MAGI3: variants seen among roughly 807,000 people sequenced by gnomAD.
The protein encoded by MAGI3 is membrane-associated guanylate kinase, WW and PDZ domain-containing protein 3.
In MAGI3, 43 loss-of-function variants were observed where a neutral mutation model predicts 121.8. That is an observed-to-expected ratio of 0.35 (90% CI 0.28 to 0.46). MAGI3 has a LOEUF of 0.46. Ranked by LOEUF, MAGI3 falls within the 20% of genes least tolerant of loss-of-function variation. The probability of loss-of-function intolerance (pLI) is 1.00; values close to 1 mark genes in which losing one functional copy is unlikely to be tolerated. For missense variants in MAGI3, 1,547 were observed against 1,797.3 expected (o/e 0.86, Z 2.52); for synonymous variants, 553 against 639.3 (o/e 0.86, Z 2.04).
intron 6 of MAGI3, among the ~76,000 whole-genome samples, chr1:113,609,953 TTTTTG>T (rs1375013258): frequency 7.2e-5 from 11 of 152,136 alleles, no homozygotes; most frequent in Non-Finnish European, 1.5e-4. Context: ...CACAAGCAAA[TTTTTG>T]TTTTAAGTCA....
At chr1:113,448,112 A>C (rs1654277308) in intron 1 of MAGI3, among the ~76,000 whole-genome samples, 1 of 152,196 alleles carries the variant, frequency 6.6e-6, no homozygotes, top group Non-Finnish European at 1.5e-5. Flanking sequence ...TCTTAGAGCC[A>C]AGAAGCTTCT....
At chr1:113,604,387 T>C (rs546372056) in intron 6 of MAGI3, among the ~76,000 whole-genome samples, 264 of 151,606 alleles carry the variant, frequency 1.7e-3, no homozygotes, top group Non-Finnish European at 3.2e-3. Flanking sequence ...GCCAATATGG[T>C]GAAACCCCAT....
intron 1 of MAGI3, among the ~76,000 whole-genome samples, chr1:113,440,689 A>G (rs1570679620): frequency 6.6e-6 from 1 of 152,190 alleles, no homozygotes; most frequent in African/African-American, 2.4e-5. Context: ...GCTCCCTCAT[A>G]TAAAGTTACA....
chr1:113,542,751 G>A (rs943271704), intron 1 of MAGI3, among the ~76,000 whole-genome samples: 2 of 152,102 alleles, frequency 1.3e-5, no homozygotes, highest in Non-Finnish European at 2.9e-5. Context: ...ACACACACAG[G>A]TACATACGCG....
intron 9 of MAGI3, among the ~76,000 whole-genome samples, chr1:113,636,097 A>T (rs1407500951): frequency 2.0e-5 from 3 of 151,736 alleles, no homozygotes; most frequent in Non-Finnish European, 4.4e-5. Flanking sequence ...TTTTTATTGC[A>T]TCTATTTGAT....
intron 7 of MAGI3, among the ~76,000 whole-genome samples, chr1:113,614,891 A>C (rs997060794): frequency 3.3e-5 from 5 of 152,130 alleles, no homozygotes; most frequent in Non-Finnish European, 5.9e-5. Flanking sequence ...CTAGACAATT[A>C]ATAGCTAGAG....
chr1:113,586,871 ATC>A (rs1354868522), intron 4 of MAGI3, among the ~76,000 whole-genome samples: 1 of 152,152 alleles, frequency 6.6e-6, no homozygotes, highest in Non-Finnish European at 1.5e-5. Context: ...CTTGTTTGTA[ATC>A]TCTATAGTTG....
At chr1:113,644,512 A>T (rs1652726818) in intron 11 of MAGI3, among the ~76,000 whole-genome samples, 2 of 151,958 alleles carry the variant, frequency 1.3e-5, no homozygotes, top group Non-Finnish European at 2.9e-5. Context: ...CAATCTCTTG[A>T]CCTCATGATC....
intron 1 of MAGI3, among the ~76,000 whole-genome samples, chr1:113,515,403 GT>G (rs1453821324): frequency 2.0e-5 from 3 of 152,054 alleles, no homozygotes; most frequent in Non-Finnish European, 4.4e-5. Flanking sequence ...TCAAATGTTT[GT>G]CTAAAATTAG....
chr1:113,639,471 G>A (rs549999613), intron 9 of MAGI3, among the ~76,000 whole-genome samples: 26 of 152,276 alleles, frequency 1.7e-4, no homozygotes, highest in African/African-American at 5.8e-4. Flanking sequence ...GCAGAATCTC[G>A]GCTCATTGCA....
chr1:113,617,699 C>G (rs1325089424), intron 7 of MAGI3, among the ~76,000 whole-genome samples: 2 of 152,136 alleles, frequency 1.3e-5, no homozygotes, highest in Non-Finnish European at 2.9e-5. Context: ...GAAAGTGAGC[C>G]AAGGTTCTTT....
chr1:113,558,730 C>T (rs1307137574), intron 2 of MAGI3, among the ~76,000 whole-genome samples: 1 of 152,058 alleles, frequency 6.6e-6, no homozygotes, highest in Non-Finnish European at 1.5e-5. Flanking sequence ...GTAAGATACT[C>T]CATGAGAAAA....
chr1:113,588,943 A>T (rs895760052), intron 4 of MAGI3, among the ~76,000 whole-genome samples: 8 of 152,154 alleles, frequency 5.3e-5, no homozygotes, highest in African/African-American at 1.9e-4. Flanking sequence ...ACATGTTTTT[A>T]TGTGGTTGGA....
intron 1 of MAGI3, among the ~76,000 whole-genome samples, chr1:113,441,701 C>G (rs1653922590): frequency 6.6e-6 from 1 of 152,146 alleles, no homozygotes; most frequent in African/African-American, 2.4e-5. Flanking sequence ...GTAATACACA[C>G]TCATCCCCAG....
chr1:113,605,603 A>G (rs1350899978), intron 6 of MAGI3, among the ~76,000 whole-genome samples: 1 of 149,994 alleles, frequency 6.7e-6, no homozygotes, highest in Non-Finnish European at 1.5e-5. Context: ...CAAGCACTCG[A>G]TTTTTTTTTT....
At chr1:113,473,331 TACATGTGCCA>T (rs1308401487) in intron 1 of MAGI3, among the ~76,000 whole-genome samples, 1 of 152,220 alleles carries the variant, frequency 6.6e-6, no homozygotes, top group South Asian at 2.1e-4. Context: ...TACATAGGTA[TACATGTGCCA>T]TGTTGGTTTG....
At chr1:113,618,393 C>A in intron 7 of MAGI3, 1 of 318,524 alleles carries the variant, frequency 3.1e-6, no homozygotes, top group Non-Finnish European at 6.0e-6. Flanking sequence ...ACTTGTGTGA[C>A]TATTTATATG....
intron 14 of MAGI3, among the ~76,000 whole-genome samples, chr1:113,652,468 TTA>T (rs1000607484): frequency 2.6e-5 from 4 of 152,202 alleles, no homozygotes; most frequent in Admixed American, 1.3e-4. Context: ...TACCAGGCAT[TTA>T]GAATGCATAT....
At chr1:113,577,807 C>T (rs1395026562) in intron 2 of MAGI3, among the ~76,000 whole-genome samples, 6 of 152,096 alleles carry the variant, frequency 3.9e-5, no homozygotes, top group South Asian at 2.1e-4. Context: ...TAAATTGTGC[C>T]GTTAATAATA....
Sources: gnomAD v4.1 joint callset for allele counts (sites outside exome capture counted in the v4.1 genomes callset) on GRCh38, gnomAD v4.1.1 for gene constraint, MANE v1.5 for transcripts, NCBI Gene and HGNC (gene_info 2026-07-23, HGNC 2026-07-21) for gene names.